MGAT4C: variants seen among roughly 807,000 people sequenced by gnomAD.
MGAT4C encodes MGAT4 family member C.
In MGAT4C, 19 loss-of-function variants were observed where a neutral mutation model predicts 40.1. That is an observed-to-expected ratio of 0.47 (90% CI 0.33 to 0.70). The LOEUF is 0.70. Among genes scored for constraint, MGAT4C ranks in the 30% least tolerant of loss-of-function variants. MGAT4C has a pLI of 0.02. For synonymous variants in MGAT4C, 181 were observed against 187.1 expected, an observed-to-expected ratio of 0.97 and a Z score of 0.27; for missense variants, 491 against 563.2, an observed-to-expected ratio of 0.87 and a Z score of 1.30.
At chr12:86,126,765 T>C (rs1272284030) in intron 1 of MGAT4C, among the ~76,000 whole-genome samples, 3 of 152,202 alleles carry the variant, frequency 2.0e-5, no homozygotes, top group East Asian at 3.8e-4. Context: ...ATTTTGTCGT[T>C]GTGTGAATGC....
chr12:85,990,491 T>C (rs959040253), intron 2 of MGAT4C, among the ~76,000 whole-genome samples: 10 of 152,250 alleles, frequency 6.6e-5, no homozygotes, highest in Middle Eastern at 3.4e-3. Flanking sequence ...GATGAAGTAT[T>C]TATGTGTAAG....
chr12:86,469,909 T>C (rs1248324815), intron 2 of MGAT4C, among the ~76,000 whole-genome samples: 2 of 152,128 alleles, frequency 1.3e-5, no homozygotes, highest in Non-Finnish European at 2.9e-5. Context: ...ACTAAGAGTG[T>C]TTTTGTTTAG....
At chr12:86,617,513 C>T (rs1195255870) in intron 2 of MGAT4C, among the ~76,000 whole-genome samples, 1 of 151,888 alleles carries the variant, frequency 6.6e-6, no homozygotes, top group Non-Finnish European at 1.5e-5. Flanking sequence ...ACGGTGAAAC[C>T]CCGTTTCTAC....
chr12:86,279,998 A>G (rs1953173301), intron 4 of MGAT4C, among the ~76,000 whole-genome samples: 1 of 152,096 alleles, frequency 6.6e-6, no homozygotes, highest in Admixed American at 6.6e-5. Flanking sequence ...GATGATTTAT[A>G]TGATTTCAAT....
Position 86,359,480 on chromosome 12 carries a change from G to A in MGAT4C, c.-119-25353C>T, listed in dbSNP as rs550734468. 4.6e-5 allele frequency among the ~76,000 whole-genome samples: 7 copies of A among 151,770 alleles called. No individual in the cohort carries two copies. The East Asian group carries it at 1.4e-3, about 29-fold the overall frequency. ...AAGGCAAGAAATAACTAAGATTAGA[G>A]AAGAACTGAAGGAGATAGAGACATA... is the stretch of plus-strand genomic sequence containing the variant. On this transcript the variant is annotated intron_variant, in intron 3 of 7. Transcript: ENST00000548651.
chr12:86,601,488 C>G (rs982071040), intron 2 of MGAT4C, among the ~76,000 whole-genome samples: 1 of 152,120 alleles, frequency 6.6e-6, no homozygotes, highest in Admixed American at 6.5e-5. Flanking sequence ...TAGCGGTTAC[C>G]TGTGTCCGGT....
At chr12:86,138,846 G>T (rs1882420406) in intron 1 of MGAT4C, among the ~76,000 whole-genome samples, 1 of 151,970 alleles carries the variant, frequency 6.6e-6, no homozygotes, top group Non-Finnish European at 1.5e-5. Context: ...AGGAAGAGAG[G>T]AACTTTCCTT....
intron 1 of MGAT4C, among the ~76,000 whole-genome samples, chr12:86,825,993 A>C (rs1400082838): frequency 6.6e-6 from 1 of 151,434 alleles, no homozygotes; most frequent in Non-Finnish European, 1.5e-5. Context: ...AGCCTACTTC[A>C]GATCAATTGG....
chr12:86,800,676 T>C (rs1400880195), intron 1 of MGAT4C, among the ~76,000 whole-genome samples: 1 of 151,790 alleles, frequency 6.6e-6, no homozygotes, highest in Non-Finnish European at 1.5e-5. Context: ...CGTTTAACCA[T>C]AGAAATTAAT....
intron 1 of MGAT4C, among the ~76,000 whole-genome samples, chr12:86,191,355 A>G (rs6538023): frequency 0.87 from 131,293 of 151,408 alleles, 57,115 homozygotes; most frequent in African/African-American, 0.93. Context: ...CAAGAAAACT[A>G]CGTGAAATGT....
chr12:86,805,267 C>T (rs1446939521), intron 1 of MGAT4C, among the ~76,000 whole-genome samples: 9 of 151,452 alleles, frequency 5.9e-5, no homozygotes, highest in Non-Finnish European at 1.3e-4. Context: ...GATTTGTTAC[C>T]TGGGTATAGT....
chr12:86,434,668 C>T (rs1016534660), intron 3 of MGAT4C, among the ~76,000 whole-genome samples: 7 of 151,876 alleles, frequency 4.6e-5, no homozygotes, highest in African/African-American at 1.7e-4. Context: ...CCAGAATAAT[C>T]CCCAGCTTTT....
intron 4 of MGAT4C, among the ~76,000 whole-genome samples, chr12:86,287,134 T>C (rs1953371493): frequency 6.6e-6 from 1 of 152,028 alleles, no homozygotes; most frequent in Admixed American, 6.6e-5. Flanking sequence ...TGGTAGTTCC[T>C]CTTTGAGATC....
At chr12:86,048,585 AATG>A (rs1218443892) in intron 2 of MGAT4C, among the ~76,000 whole-genome samples, 1 of 152,102 alleles carries the variant, frequency 6.6e-6, no homozygotes, top group Non-Finnish European at 1.5e-5. Context: ...TAAATAATGA[AATG>A]ATGTGAAAAA....
intron 4 of MGAT4C, among the ~76,000 whole-genome samples, chr12:86,275,944 CA>C (rs748476574): frequency 0.015 from 1,063 of 69,158 alleles, 9 homozygotes; most frequent in African/African-American, 0.054. Flanking sequence ...ACTAAAAATC[CA>C]AAAAAAAAAA....
At chr12:86,027,425 G>T (rs1178884083) in intron 2 of MGAT4C, among the ~76,000 whole-genome samples, 2 of 150,662 alleles carry the variant, frequency 1.3e-5, no homozygotes, top group Admixed American at 6.6e-5. Context: ...CTCTAATATT[G>T]AATGTTTAAT....
chr12:86,486,899 G>C (rs1447142105), intron 2 of MGAT4C, among the ~76,000 whole-genome samples: 2 of 152,140 alleles, frequency 1.3e-5, no homozygotes, highest in African/African-American at 2.4e-5. Flanking sequence ...TAGAGATCTG[G>C]ATTCTGCAAA....
intron 2 of MGAT4C, among the ~76,000 whole-genome samples, chr12:86,023,123 A>G (rs575622504): frequency 9.8e-4 from 150 of 152,290 alleles, no homozygotes; most frequent in African/African-American, 3.4e-3. Flanking sequence ...GCCTGGTTCC[A>G]GACTTCTATT....
chr12:86,006,595 C>T (rs558356385), intron 2 of MGAT4C, among the ~76,000 whole-genome samples: 1 of 152,100 alleles, frequency 6.6e-6, no homozygotes, highest in Non-Finnish European at 1.5e-5. Context: ...TGAAGTAGGC[C>T]CCATGTTGGG....
Sources: gnomAD v4.1 joint callset for allele counts (sites outside exome capture counted in the v4.1 genomes callset) on GRCh38, gnomAD v4.1.1 for gene constraint, MANE v1.5 for transcripts, NCBI Gene and HGNC (gene_info 2026-07-23, HGNC 2026-07-21) for gene names.